Variants in FLT1 observed in about 807,000 individuals in gnomAD.
FLT1 encodes fms related receptor tyrosine kinase 1.
FLT1 carries 49 observed loss-of-function variants against 156.3 expected under a neutral mutation model. The observed-to-expected ratio is 0.31, with a 90% CI of 0.25 to 0.40. The LOEUF is 0.40. Among genes scored for constraint, FLT1 ranks in the 10% least tolerant of loss-of-function variants. FLT1 has a pLI of 1.00. For synonymous variants in FLT1, 594 were observed against 583.8 expected (o/e 1.02, Z -0.25); for missense variants, 1,322 against 1,637.2 (o/e 0.81, Z 3.32).
At chr13:28,440,431 C>G (rs1031739500) in intron 3 of FLT1, among the ~76,000 whole-genome samples, 3 of 152,224 alleles carry the variant, frequency 2.0e-5, no homozygotes, top group African/African-American at 7.2e-5. Context: ...GAAGGCTGAA[C>G]CTCTGGCTAC....
At chr13:28,319,657 T>C (rs1871359738) in intron 23 of FLT1, 123 bp from the exon 24 acceptor site, 2 of 692,360 alleles carry the variant, frequency 2.9e-6, no homozygotes, top group Non-Finnish European at 5.3e-6. Flanking sequence ...AGAGCAGCTC[T>C]GGTTTCCTAA....
At chr13:28,329,918 A>AT (rs1871857015) in intron 18 of FLT1, among the ~76,000 whole-genome samples, 190 bp from the exon 19 acceptor site, 2 of 152,094 alleles carry the variant, frequency 1.3e-5, no homozygotes, top group Non-Finnish European at 2.9e-5. Flanking sequence ...CATCCTTTTG[A>AT]TTACAGTAAG....
chr13:28,425,833 A>G (rs954933985), intron 10 of FLT1, among the ~76,000 whole-genome samples: 1 of 152,248 alleles, frequency 6.6e-6, no homozygotes, highest in Non-Finnish European at 1.5e-5. Context: ...AAAATAGTAT[A>G]GAATTTCAGT....
intron 17 of FLT1, among the ~76,000 whole-genome samples, chr13:28,335,755 T>A (rs1480711097): frequency 1.3e-5 from 2 of 152,200 alleles, no homozygotes; most frequent in Non-Finnish European, 2.9e-5. Context: ...ATGACATTCC[T>A]CCCAGAGCAT....
chr13:28,303,837 A>G (rs984035243), intron 29 of FLT1, among the ~76,000 whole-genome samples: 1 of 152,206 alleles, frequency 6.6e-6, no homozygotes, highest in Non-Finnish European at 1.5e-5. Context: ...TTGTTACAAC[A>G]GTCTCAAAAA....
In FLT1 at chr13:28,439,626, G is replaced by T. The variant is rs546190498; in HGVS notation, c.389-1281C>A. Reference sequence around the variant, plus strand: ...AATTGCTTAAGCTAAGTAAGGGAGGGCTCCTCATCCAATGTGATTAGCATC... The same window carrying T: ...AATTGCTTAAGCTAAGTAAGGGAGGTCTCCTCATCCAATGTGATTAGCATC... On this transcript the variant is annotated intron_variant, in intron 3 of 29. Transcript: ENST00000282397. This position sits in a 1 kb window ranked among gnomAD's most constrained non-coding sequence, Gnocchi z 4.1. Among the ~76,000 whole-genome samples, 1 of 152,322 alleles carries T rather than the reference G, an allele frequency of 6.6e-6. No individual in the cohort carries two copies. Among genetic ancestry groups the T allele is most frequent in the African/African-American group, 2.4e-5 (1 of 41,570 alleles).
chr13:28,491,815 C>G (rs939077571), intron 1 of FLT1, among the ~76,000 whole-genome samples: 9 of 152,340 alleles, frequency 5.9e-5, no homozygotes, highest in African/African-American at 2.2e-4. Flanking sequence ...AAATCAACCA[C>G]CTATACTAAC....
At chr13:28,388,712 T>C in intron 13 of FLT1, 1 of 1,057,580 alleles carries the variant, frequency 9.5e-7, no homozygotes, top group Non-Finnish European at 1.1e-6. Context: ...GTGGACTTTT[T>C]TAAAGGGCAA....
At chr13:28,385,536 C>G (rs1356994134) in intron 13 of FLT1, 1 of 1,011,632 alleles carries the variant, frequency 9.9e-7, no homozygotes, top group South Asian at 4.6e-5. Flanking sequence ...GGCAGCAGAC[C>G]AAACAGGAGA....
chr13:28,316,842 C>T (rs553680622), intron 25 of FLT1, among the ~76,000 whole-genome samples: 3 of 151,920 alleles, frequency 2.0e-5, no homozygotes, highest in Non-Finnish European at 4.4e-5. Context: ...AGGCTAGTCT[C>T]GAACTCCTGA....
chr13:28,389,273 T>A, intron 13 of FLT1: 1 of 1,163,728 alleles, frequency 8.6e-7, no homozygotes, highest in Non-Finnish European at 1.1e-6. Flanking sequence ...AGTCTCAAAT[T>A]CAACTGTACT....
chr13:28,390,579 T>C (rs909120456), intron 12 of FLT1, among the ~76,000 whole-genome samples: 1 of 152,102 alleles, frequency 6.6e-6, no homozygotes, highest in Non-Finnish European at 1.5e-5. Context: ...TACTTTTTGG[T>C]GGGGGTGATA....
chr13:28,356,219 T>C (rs1872894224), intron 15 of FLT1, among the ~76,000 whole-genome samples: 1 of 152,128 alleles, frequency 6.6e-6, no homozygotes, highest in South Asian at 2.1e-4. Flanking sequence ...CTCATGGGGT[T>C]GTTGGGAGGA....
In FLT1 at chr13:28,374,719, T is replaced by A. The variant is rs550333351; in HGVS notation, c.2116+10166A>T. The stretch of plus-strand genomic sequence containing the variant: ...TAGTAGAGACAGGGTTTCACCGTGT[T>A]AGCCAGGATGGTCTCGATCTCCTGA... On this transcript the variant is annotated intron_variant, in intron 14 of 29. Coordinates refer to ENST00000282397, the MANE Select transcript of FLT1 (RefSeq NM_002019.4). Among the ~76,000 whole-genome samples the A allele has an allele frequency of 4.9e-3, 743 of 152,188 alleles. 8 individuals carry two copies. Among genetic ancestry groups the A allele is most frequent in the Non-Finnish European group, 7.9e-3 (540 of 67,990 alleles).
rs1566274959 is a variant in FLT1, at chr13:28,302,698, C to T, written c.*469G>A. ...GCTTTTTGCTTTTTTTCCTTTTCCT[C>T]CTCACATGTCTTAGGCCTGCTAGAG... On this transcript the variant is annotated 3_prime_UTR_variant, in exon 30 of 30. Transcript: ENST00000282397. 1 of 235,822 alleles carries T rather than the reference C, an allele frequency of 4.2e-6. No homozygotes were observed. The highest frequency in any genetic ancestry group is 6.0e-5 in the East Asian group (1 of 16,644). The allele number at this position is 235,822 out of a possible 1,614,324, so 14.6% of individuals were successfully genotyped here. A position where few individuals can be genotyped will look rare whatever the true frequency, so the allele number is the denominator to read the frequency against.
Position 28,327,553 on chromosome 13 carries a change from G to T in FLT1, c.2708-3C>A. The T allele has an allele frequency of 6.2e-7, 1 of 1,605,920 alleles. No homozygotes were observed. The highest frequency in any genetic ancestry group is 8.5e-7 in the Non-Finnish European group (1 of 1,172,604). ...TTCAACAATCACCATCAGAGGCCCT[G>T]CAGCCAAAACAGCACATGCTCATGC... On this transcript the variant is annotated splice_region_variant and splice_polypyrimidine_tract_variant and intron_variant, in intron 19 of 29. Transcript: ENST00000282397.
chr13:28,471,942 A>T (rs1370120026), intron 1 of FLT1, among the ~76,000 whole-genome samples: 2 of 152,234 alleles, frequency 1.3e-5, no homozygotes, highest in Non-Finnish European at 2.9e-5. Flanking sequence ...GCTTTATCCC[A>T]TGCTACTTTG....
At chr13:28,418,607 A>T (rs570296734) in intron 10 of FLT1, among the ~76,000 whole-genome samples, 1 of 151,956 alleles carries the variant, frequency 6.6e-6, no homozygotes. Flanking sequence ...ACAGGGTCTC[A>T]CTCTGTCTCC....
chr13:28,357,512 T>C (rs539541264), intron 15 of FLT1, 42 bp downstream of exon 15: 3 of 1,608,596 alleles, frequency 1.9e-6, no homozygotes, highest in South Asian at 2.2e-5. Flanking sequence ...GGGAAATAGA[T>C]GTCTGACCAA....
Sources: gnomAD v4.1 joint callset for allele counts (sites outside exome capture counted in the v4.1 genomes callset) on GRCh38, gnomAD v4.1.1 for gene constraint, Gnocchi (gnomAD v3.1) non-coding constraint, MANE v1.5 for transcripts, NCBI Gene and HGNC (gene_info 2026-07-23, HGNC 2026-07-21) for gene names.